The following TRHDE variants were observed in gnomAD, a reference collection of about 807,000 sequenced individuals.
TRHDE encodes thyrotropin-releasing hormone-degrading ectoenzyme.
In TRHDE, 72 loss-of-function variants were observed where a neutral mutation model predicts 125.7. The observed-to-expected ratio is 0.57, with a 90% CI of 0.47 to 0.70. The LOEUF is 0.70. Among genes scored for constraint, TRHDE ranks in the 30% least tolerant of loss-of-function variants. The probability of loss-of-function intolerance (pLI) is 0.00; values close to 1 mark genes in which losing one functional copy is unlikely to be tolerated. For missense variants in TRHDE, 1,110 were observed against 1,327.1 expected, an observed-to-expected ratio of 0.84 and a Z score of 2.54; for synonymous variants, 509 against 509.1, an observed-to-expected ratio of 1.00 and a Z score of 0.00.
intron 2 of TRHDE, among the ~76,000 whole-genome samples, chr12:72,224,211 TATC>T (rs759461652): frequency 1.3e-5 from 2 of 149,398 alleles, no homozygotes; most frequent in East Asian, 2.0e-4. Context: ...TCTATCTATC[TATC>T]ATCTATCTAT....
At chr12:72,567,453 T>G (rs1352986752) in intron 9 of TRHDE, among the ~76,000 whole-genome samples, 1 of 151,982 alleles carries the variant, frequency 6.6e-6, no homozygotes, top group Non-Finnish European at 1.5e-5. Context: ...TTACTATTAC[T>G]GAATTCTGTT....
At chr12:72,491,608 G>A (rs756214895) in intron 5 of TRHDE, among the ~76,000 whole-genome samples, 1 of 151,828 alleles carries the variant, frequency 6.6e-6, no homozygotes, top group Non-Finnish European at 1.5e-5. Context: ...CAGCTGAAGG[G>A]TTTAGTCATG....
At chr12:72,207,702 C>A (rs1310739107) in intron 2 of TRHDE, among the ~76,000 whole-genome samples, 1 of 152,132 alleles carries the variant, frequency 6.6e-6, no homozygotes, top group Admixed American at 6.5e-5. Context: ...CTTCCCTATT[C>A]CTTTGTATAC....
At chr12:72,089,035 T>A (rs1039184103) in intron 1 of TRHDE, among the ~76,000 whole-genome samples, 1 of 152,132 alleles carries the variant, frequency 6.6e-6, no homozygotes, top group Non-Finnish European at 1.5e-5. Context: ...ATCCTCCTTT[T>A]CAAACCTCCT....
intron 2 of TRHDE, among the ~76,000 whole-genome samples, chr12:72,153,777 C>G (rs1029662828): frequency 2.0e-5 from 3 of 152,192 alleles, no homozygotes; most frequent in African/African-American, 4.8e-5. Context: ...TTTATAATTT[C>G]TCTTCTTTCA....
intron 2 of TRHDE, among the ~76,000 whole-genome samples, chr12:72,181,954 A>T (rs1009988774): frequency 6.6e-6 from 1 of 152,202 alleles, no homozygotes; most frequent in Admixed American, 6.5e-5. Flanking sequence ...TCAGAAACAC[A>T]TTGCAATAAA....
chr12:72,559,122 T>C (rs1243874949), intron 7 of TRHDE, among the ~76,000 whole-genome samples: 1 of 152,224 alleles, frequency 6.6e-6, no homozygotes. Flanking sequence ...TGCTGTGCTC[T>C]TTCATTATTA....
intron 12 of TRHDE, among the ~76,000 whole-genome samples, chr12:72,604,235 C>T (rs541335417): frequency 2.6e-5 from 4 of 152,048 alleles, no homozygotes; most frequent in South Asian, 4.2e-4. Context: ...CAGACAAATC[C>T]GTAGGAAAAA....
intron 2 of TRHDE, among the ~76,000 whole-genome samples, chr12:72,295,128 G>T (rs1880240083): frequency 6.7e-6 from 1 of 148,998 alleles, no homozygotes; most frequent in Non-Finnish European, 1.5e-5. Context: ...CTGTGGTGGG[G>T]GGTGGCTGGG....
intron 2 of TRHDE, among the ~76,000 whole-genome samples, chr12:72,146,095 C>A (rs1876220336): frequency 6.6e-6 from 1 of 152,066 alleles, no homozygotes; most frequent in African/African-American, 2.4e-5. Context: ...AAAATAAGGA[C>A]CATGTGCTAT....
At chr12:72,565,159 C>T (rs906803196) in intron 9 of TRHDE, among the ~76,000 whole-genome samples, 4 of 152,144 alleles carry the variant, frequency 2.6e-5, no homozygotes, top group Non-Finnish European at 4.4e-5. Flanking sequence ...ATACGATTCT[C>T]TCTGGCCTAT....
At chr12:72,624,673 T>A (rs11179288) in intron 15 of TRHDE, among the ~76,000 whole-genome samples, 21,589 of 151,688 alleles carry the variant, frequency 0.14, 2,071 homozygotes, top group East Asian at 0.54. Context: ...ATAAATTGAT[T>A]GAGTTGACAT....
chr12:72,292,885 T>C (rs564850869), intron 2 of TRHDE, among the ~76,000 whole-genome samples: 4 of 152,312 alleles, frequency 2.6e-5, no homozygotes, highest in Non-Finnish European at 5.9e-5. Context: ...CCATTTTTAA[T>C]GCTCACTGCG....
chr12:72,206,062 A>C (rs896844193), intron 2 of TRHDE, among the ~76,000 whole-genome samples: 12 of 150,724 alleles, frequency 8.0e-5, no homozygotes, highest in African/African-American at 2.9e-4. Context: ...GTGTGGCATG[A>C]TATCTTATTA....
intron 2 of TRHDE, among the ~76,000 whole-genome samples, chr12:72,361,157 G>T (rs537907401): frequency 1.3e-5 from 2 of 151,808 alleles, no homozygotes; most frequent in African/African-American, 4.8e-5. Flanking sequence ...TTACTTCTTT[G>T]TTAATTCTTC....
At chr12:72,653,818 G>A (rs900931591) in intron 17 of TRHDE, among the ~76,000 whole-genome samples, 1 of 152,048 alleles carries the variant, frequency 6.6e-6, no homozygotes, top group Non-Finnish European at 1.5e-5. Context: ...TGTAAATGCT[G>A]CTTGTTTTTC....
Position 72,272,520 on chromosome 12 carries a change from C to A in TRHDE, c.-124C>A. On this transcript the variant is annotated 5_prime_UTR_variant, in exon 1 of 19. Transcript: ENST00000261180. The surrounding 1 kb of genome is among the most constrained non-coding windows in gnomAD (Gnocchi z 6.7). ...AGAACCCGTCTTAAAAGAACCCGGG[C>A]CAGCATCCCCAGTCGCGCGCCCTCG... 1 of 555,816 alleles carries A rather than the reference C, an allele frequency of 1.8e-6. No homozygotes were observed. The highest frequency in any genetic ancestry group is 3.2e-6 in the Non-Finnish European group (1 of 314,638). The allele number at this position is 555,816 out of a possible 1,614,324, so 34.4% of individuals were successfully genotyped here.
intron 1 of TRHDE, chr12:72,274,788 G>A (rs1165783866): frequency 1.3e-5 from 2 of 152,104 alleles, no homozygotes; most frequent in African/African-American, 4.8e-5. Context: ...TGGTGTAGAC[G>A]TCTATGAGTG....
chr12:72,087,596 T>G (rs1367195057), intron 1 of TRHDE, among the ~76,000 whole-genome samples: 1 of 152,046 alleles, frequency 6.6e-6, no homozygotes, highest in East Asian at 1.9e-4. Flanking sequence ...TAGCAGGAAT[T>G]TGTGTCTGAT....
Sources: gnomAD v4.1 joint callset for allele counts (sites outside exome capture counted in the v4.1 genomes callset) on GRCh38, gnomAD v4.1.1 for gene constraint, Gnocchi (gnomAD v3.1) non-coding constraint, MANE v1.5 for transcripts, NCBI Gene and HGNC (gene_info 2026-07-23, HGNC 2026-07-21) for gene names.